Variants in TDRD9 observed in about 807,000 individuals in gnomAD.
TDRD9 encodes tudor domain containing 9, also known as ATP-dependent RNA helicase TDRD9.
TDRD9 carries 124 observed loss-of-function variants against 172.6 expected under a neutral mutation model. The ratio of observed to expected loss-of-function variants is 0.72; its 90% CI spans 0.62 to 0.83. TDRD9 has a LOEUF of 0.83. Among genes scored for constraint, TDRD9 ranks in the 40% least tolerant of loss-of-function variants. The pLI, the probability that TDRD9 is intolerant of heterozygous loss-of-function variation, is 0.00. For missense variants in TDRD9, 1,479 were observed against 1,714.1 expected, an observed-to-expected ratio of 0.86 and a Z score of 2.42; for synonymous variants, 619 against 617.1, an observed-to-expected ratio of 1.00 and a Z score of -0.05.
chr14:103,958,093 T>G (rs1427972441), intron 2 of TDRD9, among the ~76,000 whole-genome samples: 1 of 152,180 alleles, frequency 6.6e-6, no homozygotes. Flanking sequence ...TAAAAAAGAC[T>G]TTAACTCTGA....
chr14:103,962,919 G>C (rs192352477), intron 2 of TDRD9, among the ~76,000 whole-genome samples, 160 bp from the exon 3 acceptor site: 2 of 151,694 alleles, frequency 1.3e-5, no homozygotes, highest in African/African-American at 4.8e-5. Context: ...CTTTGGTATT[G>C]CCCTGATGGC....
In TDRD9 at chr14:104,040,192, T is replaced by G; in HGVS notation, c.3717-4T>G. ...ATGGACTCTTCTGAAAACATTCCAT[T>G]TAGGATTGATCAGAATGGCAAGTAC... On this transcript the variant is annotated splice_region_variant and splice_polypyrimidine_tract_variant and intron_variant, in intron 32 of 35. Transcript: ENST00000409874. 6.6e-7 allele frequency: 1 copy of G among 1,507,130 alleles called. No individual in the cohort carries two copies. The highest frequency in any genetic ancestry group is 1.7e-4 in the Middle Eastern group (1 of 5,820). 93.4% of individuals were successfully genotyped at this position (1,507,130 alleles called of 1,614,324 possible). A position where few individuals can be genotyped will look rare whatever the true frequency, so the allele number is the denominator to read the frequency against.
At chr14:104,045,013 C>T (rs2035724040) in intron 34 of TDRD9, among the ~76,000 whole-genome samples, 1 of 152,134 alleles carries the variant, frequency 6.6e-6, no homozygotes, top group South Asian at 2.1e-4. Flanking sequence ...CATGGTGACA[C>T]ACGCCTGTAA....
intron 9 of TDRD9, among the ~76,000 whole-genome samples, chr14:103,991,707 G>A (rs749803145): frequency 3.3e-5 from 5 of 151,976 alleles, no homozygotes; most frequent in South Asian, 2.1e-4. Flanking sequence ...CACTGTGCCC[G>A]GCCAACCCTT....
intron 1 of TDRD9, among the ~76,000 whole-genome samples, chr14:103,951,208 G>A (rs1566733600): frequency 6.6e-6 from 1 of 152,136 alleles, no homozygotes; most frequent in African/African-American, 2.4e-5. Flanking sequence ...TGGTTGTTAG[G>A]TTATTCCTGC....
chr14:104,033,959 G>A lies in TDRD9; in HGVS notation c.3510-1G>A, dbSNP rs1436101825. The A allele has an allele frequency of 3.9e-6, 6 of 1,544,154 alleles. No individual in the cohort carries two copies. The highest frequency in any genetic ancestry group is 2.5e-5 in the East Asian group (1 of 40,782). The stretch of plus-strand genomic sequence containing the variant: ...CATCTCCTGGTGCTCCTGCCTTTTA[G>A]GTGTGTTTGGATTGAGAAGGAGAGC... On this transcript the variant is annotated splice_acceptor_variant, in intron 30 of 35. Coordinates refer to ENST00000409874, the MANE Select transcript of TDRD9 (RefSeq NM_153046.3). LOFTEE classifies it high-confidence loss of function.
At chr14:103,983,544 A>C (rs1049530469) in intron 7 of TDRD9, among the ~76,000 whole-genome samples, 2 of 152,168 alleles carry the variant, frequency 1.3e-5, no homozygotes, top group Non-Finnish European at 1.5e-5. Context: ...TAAAATTATT[A>C]ATTAAAAAAG....
At chr14:103,985,485 T>C (rs1003589212) in intron 7 of TDRD9, among the ~76,000 whole-genome samples, 5 of 152,210 alleles carry the variant, frequency 3.3e-5, no homozygotes, top group African/African-American at 1.2e-4. Context: ...CCTCTTTCTT[T>C]TGTAAATTGC....
intron 24 of TDRD9, among the ~76,000 whole-genome samples, chr14:104,022,554 C>A (rs1290110510): frequency 6.6e-6 from 1 of 152,066 alleles, no homozygotes; most frequent in African/African-American, 2.4e-5. Context: ...TGATGAAACC[C>A]TGTCTGTACT....
At chr14:103,966,474 A>G (rs2032752180) in intron 4 of TDRD9, among the ~76,000 whole-genome samples, 1 of 152,190 alleles carries the variant, frequency 6.6e-6, no homozygotes, top group Non-Finnish European at 1.5e-5. Context: ...TTGATACACA[A>G]TTGTTTTAAC....
intron 20 of TDRD9, among the ~76,000 whole-genome samples, chr14:104,009,128 C>T (rs575130438): frequency 5.3e-5 from 8 of 152,276 alleles, no homozygotes; most frequent in African/African-American, 1.9e-4. Flanking sequence ...GGCTGCAAAC[C>T]TGTACAGCAT....
At chr14:104,027,809 G>A (rs930210594) in intron 28 of TDRD9, among the ~76,000 whole-genome samples, 1 of 152,090 alleles carries the variant, frequency 6.6e-6, no homozygotes, top group African/African-American at 2.4e-5. Flanking sequence ...CTCCAATCTA[G>A]CTGTAATTTT....
Position 104,040,935 on chromosome 14 carries a change from G to A in TDRD9, c.3855+601G>A, listed in dbSNP as rs73356330. Among the ~76,000 whole-genome samples, 272 of 152,336 alleles carry A rather than the reference G, an allele frequency of 1.8e-3. 2 individuals are homozygous for A. The highest frequency in any genetic ancestry group is 6.3e-3 in the African/African-American group (264 of 41,576). ...GCTCGTATTTGTGTACATTAAAAAA[G>A]ATCTTTCATCGTTATAGTAATTTAT... On this transcript the variant is annotated intron_variant, in intron 33 of 35. Coordinates refer to ENST00000409874, the MANE Select transcript of TDRD9 (RefSeq NM_153046.3).
At chr14:103,957,036 A>G (rs2032282363) in intron 2 of TDRD9, among the ~76,000 whole-genome samples, 1 of 152,242 alleles carries the variant, frequency 6.6e-6, no homozygotes, top group Admixed American at 6.5e-5. Flanking sequence ...TTTAAAAAGT[A>G]TGAAATACAG....
chr14:103,975,404 G>C lies in TDRD9; in HGVS notation c.862G>C (p.Ala288Pro), dbSNP rs2033194548. The C allele has an allele frequency of 6.2e-7, 1 of 1,612,996 alleles. No homozygotes were observed. The highest frequency in any genetic ancestry group is 1.3e-5 in the African/African-American group (1 of 75,020). Residue 288 changes from alanine to proline, a missense_variant, in exon 7 of 36, where the codon GCT becomes CCT. Physicochemically the swap from Ala to Pro is conservative, Grantham distance 27. This residue lies in a region of TDRD9 where 1,413 missense variants were observed against 1,649.1 expected (regional missense o/e 0.86). Transcript: ENST00000409874. The part of the protein sequence containing the change: ...SRFVKVVLMS[A>P]TISCKEFADY... Reference sequence around the variant, plus strand: ...TACTCTGTAGGTGGTCCTGATGTCGGCTACCATCAGCTGTAAAGAGTTTGC... The same window carrying C: ...TACTCTGTAGGTGGTCCTGATGTCGCCTACCATCAGCTGTAAAGAGTTTGC...
rs369993125 is a variant in TDRD9 at position 103,972,434 on chromosome 14, G to A, written c.846+1813G>A. The stretch of plus-strand genomic sequence containing the variant: ...CTAGTATTTGAGAGACGTAAGTAGA[G>A]TTAACTGAAAGTTGATGGGAATGAT... On this transcript the variant is annotated intron_variant, in intron 6 of 35. Transcript: ENST00000409874. Among the ~76,000 whole-genome samples, 15 of 152,368 alleles carry A rather than the reference G, an allele frequency of 9.8e-5. No individual in the cohort carries two copies. The East Asian group carries it at 2.7e-3, about 27-fold the overall frequency.
intron 2 of TDRD9, among the ~76,000 whole-genome samples, chr14:103,956,107 AAAAAATATATATATATAT>A (rs2032205630): frequency 6.7e-5 from 2 of 29,862 alleles, no homozygotes; most frequent in African/African-American, 1.5e-4. Flanking sequence ...AAAAAAAAAA[AAAAAATATATATATATAT>A]ATATATATAT....
chr14:103,999,549 A>C (rs2034180613), intron 13 of TDRD9, among the ~76,000 whole-genome samples: 1 of 152,048 alleles, frequency 6.6e-6, no homozygotes, highest in Non-Finnish European at 1.5e-5. Context: ...CATACCTGGG[A>C]CAGGTTAAGA....
intron 1 of TDRD9, 61 bp downstream of exon 1, chr14:103,928,785 G>A (rs1260847812): frequency 2.2e-5 from 12 of 542,614 alleles, no homozygotes; most frequent in Non-Finnish European, 3.1e-5. Flanking sequence ...GGCGACGAGG[G>A]CACGGGCCAT....
Sources: gnomAD v4.1 joint callset for allele counts (sites outside exome capture counted in the v4.1 genomes callset) on GRCh38, gnomAD v4.1.1 for gene constraint, gnomAD v4.1.1 regional missense constraint, MANE v1.5 for transcripts, NCBI Gene and HGNC (gene_info 2026-07-23, HGNC 2026-07-21) for gene names.